The following TAFA1 variants were observed in gnomAD, a reference collection of about 807,000 sequenced individuals.
The protein encoded by TAFA1 is TAFA chemokine like family member 1, also known as chemokine-like protein TAFA-1.
In TAFA1, 4 loss-of-function variants were observed where a neutral mutation model predicts 18.5. The observed-to-expected ratio is 0.22, with a 90% CI of 0.11 to 0.49. The LOEUF (loss-of-function observed/expected upper bound fraction) is 0.49, where lower values mean the gene tolerates loss of function less well. Ranked by LOEUF, TAFA1 falls within the 20% of genes least tolerant of loss-of-function variation. TAFA1 has a pLI of 0.98. For missense variants in TAFA1, 147 were observed against 169.0 expected (o/e 0.87, Z 0.72); for synonymous variants, 56 against 55.2 (o/e 1.01, Z -0.06).
chr3:68,540,105 C>T (rs912718654), intron 4 of TAFA1, among the ~76,000 whole-genome samples: 2 of 152,078 alleles, frequency 1.3e-5, no homozygotes, highest in African/African-American at 4.8e-5. Flanking sequence ...GTTCTTTCGT[C>T]TTTGTGATGC....
intron 3 of TAFA1, among the ~76,000 whole-genome samples, chr3:68,517,483 G>A (rs1349049334): frequency 6.6e-6 from 1 of 152,118 alleles, no homozygotes; most frequent in Non-Finnish European, 1.5e-5. Context: ...AGTTTGTTTG[G>A]TGACCTGGGT....
chr3:68,378,082 G>A lies in TAFA1; in HGVS notation c.119-39198G>A, dbSNP rs538949576. Among the ~76,000 whole-genome samples, 6 of 152,334 alleles carry A rather than the reference G, an allele frequency of 3.9e-5. No individual in the cohort carries two copies. In the South Asian group the frequency reaches 1.2e-3, roughly 32 times the overall value. ...TGCTGGGGTAGTGTGGAAGGGAAAT[G>A]TGGGGTGTGAGGCCCCATACGGAGT... On this transcript the variant is annotated intron_variant, in intron 2 of 4. Transcript: ENST00000478136.
intron 3 of TAFA1, among the ~76,000 whole-genome samples, chr3:68,475,782 T>TAAAAGTGA (rs2072082713): frequency 2.0e-5 from 3 of 151,588 alleles, no homozygotes; most frequent in Non-Finnish European, 3.0e-5. Context: ...ACCAACAGTG[T>TAAAAGTGA]AAAAGTGTTC....
At chr3:67,999,272 C>T (rs1575567072), upstream of TAFA1, among the ~76,000 whole-genome samples, 3 of 17,152 alleles carry the variant, frequency 1.7e-4, no homozygotes, top group Non-Finnish European at 5.6e-4. Context: ...CTCTATCCCC[C>T]CCCCCCCCCT....
chr3:68,173,993 G>A (rs2106965855), intron 2 of TAFA1, among the ~76,000 whole-genome samples: 1 of 152,208 alleles, frequency 6.6e-6, no homozygotes, highest in South Asian at 2.1e-4. Context: ...GTTATTGAAT[G>A]TTATAAAAAC....
At chr3:68,012,732 A>T (rs1704495820) in intron 2 of TAFA1, among the ~76,000 whole-genome samples, 1 of 152,220 alleles carries the variant, frequency 6.6e-6, no homozygotes, top group Non-Finnish European at 1.5e-5. Context: ...TGGTAAAATT[A>T]GAAAGATACC....
chr3:68,402,047 C>A (rs886177853), intron 2 of TAFA1, among the ~76,000 whole-genome samples: 1 of 152,174 alleles, frequency 6.6e-6, no homozygotes, highest in African/African-American at 2.4e-5. Flanking sequence ...AAAACTCATT[C>A]TACATTCTTG....
chr3:68,541,975 C>A (rs2073384397), intron 4 of TAFA1, among the ~76,000 whole-genome samples: 1 of 152,026 alleles, frequency 6.6e-6, no homozygotes, highest in South Asian at 2.1e-4. Flanking sequence ...TCTAAACTAC[C>A]AGACACCCCA....
intron 2 of TAFA1, among the ~76,000 whole-genome samples, chr3:68,102,311 T>C (rs1004965442): frequency 6.6e-6 from 1 of 152,182 alleles, no homozygotes; most frequent in African/African-American, 2.4e-5. Flanking sequence ...AATACTCTGA[T>C]TAAGATTTAA....
chr3:68,446,874 G>A (rs1217867114), intron 3 of TAFA1, among the ~76,000 whole-genome samples: 1 of 152,166 alleles, frequency 6.6e-6, no homozygotes, highest in Non-Finnish European at 1.5e-5. Flanking sequence ...CTTCAGTGGA[G>A]TGGAGTAGTC....
At chr3:68,142,630 A>G (rs1243452296) in intron 2 of TAFA1, among the ~76,000 whole-genome samples, 1 of 152,308 alleles carries the variant, frequency 6.6e-6, no homozygotes, top group Admixed American at 6.5e-5. Context: ...AAAACCTCCT[A>G]CTCTAACAGG....
At chr3:68,068,484 T>C (rs577001646) in intron 2 of TAFA1, among the ~76,000 whole-genome samples, 2 of 152,342 alleles carry the variant, frequency 1.3e-5, no homozygotes, top group Admixed American at 1.3e-4. Flanking sequence ...AGCTTTTAAA[T>C]CTTTAATCAC....
At chr3:68,170,731 C>T (rs182508581) in intron 2 of TAFA1, among the ~76,000 whole-genome samples, 2 of 152,126 alleles carry the variant, frequency 1.3e-5, no homozygotes, top group East Asian at 3.9e-4. Flanking sequence ...AAACACACAG[C>T]CCCTCAACAG....
At chr3:68,075,265 T>C (rs755929017) in intron 2 of TAFA1, among the ~76,000 whole-genome samples, 4 of 152,228 alleles carry the variant, frequency 2.6e-5, no homozygotes, top group Non-Finnish European at 5.9e-5. Flanking sequence ...CATTGAAGCC[T>C]GTGACCTCTG....
intron 2 of TAFA1, among the ~76,000 whole-genome samples, chr3:68,121,249 ATGTGTGTGTGTG>A (rs67968765): frequency 3.5e-4 from 52 of 148,042 alleles, no homozygotes; most frequent in African/African-American, 4.5e-4. Flanking sequence ...ATGTACATTA[ATGTGTGTGTGTG>A]TGTGTGTGTG....
rs183285671 is a variant in TAFA1 at position 68,172,186 on chromosome 3, C to T, written c.118+165442C>T. Reference sequence around the variant, plus strand: ...TCGCCAAACTGTTGAAGAACAAAGACAGAATCTTGAGAGCAACAGAGAAAC... The same window carrying T: ...TCGCCAAACTGTTGAAGAACAAAGATAGAATCTTGAGAGCAACAGAGAAAC... On this transcript the variant is annotated intron_variant, in intron 2 of 4. Coordinates refer to ENST00000478136, the MANE Select transcript of TAFA1 (RefSeq NM_213609.4). 4.1e-3 allele frequency among the ~76,000 whole-genome samples: 623 copies of T among 152,256 alleles called. 1 individual carries two copies. Among genetic ancestry groups the T allele is most frequent in the South Asian group, 0.011 (51 of 4,830 alleles).
intron 2 of TAFA1, among the ~76,000 whole-genome samples, chr3:68,252,648 A>G (rs184718844): frequency 1.2e-4 from 18 of 152,276 alleles, no homozygotes; most frequent in African/African-American, 4.3e-4. Flanking sequence ...TAGTGGCTAT[A>G]AGTACTTTCT....
At chr3:68,384,080 A>G (rs1333837352) in intron 2 of TAFA1, among the ~76,000 whole-genome samples, 1 of 151,438 alleles carries the variant, frequency 6.6e-6, no homozygotes, top group African/African-American at 2.4e-5. Flanking sequence ...TTTCTTCTTT[A>G]TTAGTCTAGC....
At chr3:68,120,925 A>T (rs1308256851) in intron 2 of TAFA1, among the ~76,000 whole-genome samples, 1 of 152,130 alleles carries the variant, frequency 6.6e-6, no homozygotes, top group Non-Finnish European at 1.5e-5. Context: ...GTTTTTATGG[A>T]CACATACCTG....
Sources: gnomAD v4.1 joint callset for allele counts (sites outside exome capture counted in the v4.1 genomes callset) on GRCh38, gnomAD v4.1.1 for gene constraint, MANE v1.5 for transcripts, NCBI Gene and HGNC (gene_info 2026-07-23, HGNC 2026-07-21) for gene names.